Variants in DMD observed in about 807,000 individuals in gnomAD.
The protein encoded by DMD is mutant dystrophin.
A neutral mutation model predicts 330.1 loss-of-function variants in DMD; 63 were observed. The ratio of observed to expected loss-of-function variants is 0.19; its 90% CI spans 0.16 to 0.24. The LOEUF (loss-of-function observed/expected upper bound fraction) is 0.24, where lower values mean the gene tolerates loss of function less well. Among genes scored for constraint, DMD ranks in the 10% least tolerant of loss-of-function variants. The pLI is 1.00. For synonymous variants in DMD, 1,223 were observed against 959.8 expected (o/e 1.27, Z -5.07); for missense variants, 3,344 against 2,684.1 (o/e 1.25, Z -5.43).
chrX:31,279,509 G>A (rs1004239474), intron 62 of DMD, among the ~76,000 whole-genome samples: 1 of 111,414 alleles, frequency 9.0e-6, no homozygotes, highest in East Asian at 2.8e-4. Context: ...GACTTGCTTC[G>A]GCTAATGGAC....
At chrX:31,238,204 A>C (rs1456825558) in intron 63 of DMD, among the ~76,000 whole-genome samples, 1 of 111,332 alleles carries the variant, frequency 9.0e-6, no homozygotes, top group African/African-American at 3.3e-5. Context: ...AGTGGCAATG[A>C]CCACGGATTC....
intron 44 of DMD, among the ~76,000 whole-genome samples, chrX:32,008,822 G>A (rs1000328818): frequency 2.7e-5 from 3 of 111,060 alleles, no homozygotes; most frequent in African/African-American, 9.8e-5. Context: ...AGAGGCAGGA[G>A]AACTTCTGGC....
chrX:32,485,295 A>C (rs1335254382), intron 20 of DMD, among the ~76,000 whole-genome samples, 196 bp from the exon 21 acceptor site: 1 of 111,610 alleles, frequency 9.0e-6, no homozygotes, highest in African/African-American at 3.3e-5. Flanking sequence ...CTCTTTGTTC[A>C]ATATGTATCA....
rs957432753 is a variant in DMD at position 32,735,546 on chromosome X, T to C, written c.650-36253A>G. Among the ~76,000 whole-genome samples the C allele has an allele frequency of 7.2e-5, 8 of 111,416 alleles. 1 individual carries two copies. The highest frequency in any genetic ancestry group is 9.3e-3 in the Middle Eastern group (2 of 216). ...CAAGGCTGCAGTAACCAAAACAGCA[T>C]GGTACTGGTACCAAAACAGAGATAT... On this transcript the variant is annotated intron_variant, in intron 7 of 78. Coordinates refer to ENST00000357033, the MANE Select transcript of DMD (RefSeq NM_004006.3).
intron 1 of DMD, among the ~76,000 whole-genome samples, chrX:33,209,748 G>C (rs1026752642): frequency 6.3e-5 from 7 of 110,818 alleles, no homozygotes; most frequent in Non-Finnish European, 1.1e-4. Context: ...AAATCCTACA[G>C]GGCATGTCCC....
chrX:32,470,418 T>A (rs1485290730), intron 22 of DMD, among the ~76,000 whole-genome samples: 2 of 111,026 alleles, frequency 1.8e-5, no homozygotes, highest in African/African-American at 6.6e-5. Context: ...TGTATGTGGT[T>A]TTTATTTTGG....
At chrX:31,950,802 A>G (rs192218774) in intron 45 of DMD, among the ~76,000 whole-genome samples, 1 of 109,637 alleles carries the variant, frequency 9.1e-6, no homozygotes, top group Non-Finnish European at 1.9e-5. Flanking sequence ...TTGTCACTTC[A>G]TTTTTTATAT....
intron 1 of DMD, among the ~76,000 whole-genome samples, chrX:33,307,346 T>C (rs1177341573): frequency 3.6e-5 from 4 of 111,974 alleles, no homozygotes; most frequent in Non-Finnish European, 7.5e-5. Flanking sequence ...TAAAAATAAA[T>C]AAATAAATAA....
chrX:31,746,886 T>C (rs2087889693), intron 51 of DMD, among the ~76,000 whole-genome samples: 2 of 111,090 alleles, frequency 1.8e-5, no homozygotes, highest in African/African-American at 3.3e-5. Flanking sequence ...AATGGTGTAA[T>C]GGTTACCTTT....
intron 67 of DMD, among the ~76,000 whole-genome samples, chrX:31,198,128 G>T (rs893436102): frequency 9.1e-6 from 1 of 110,494 alleles, no homozygotes; most frequent in Non-Finnish European, 1.9e-5. Flanking sequence ...AAAAGGGATG[G>T]TTAATGGGTA....
chrX:31,379,669 C>T (rs1371671655), intron 60 of DMD, among the ~76,000 whole-genome samples: 1 of 112,104 alleles, frequency 8.9e-6, no homozygotes, highest in East Asian at 2.8e-4. Flanking sequence ...TTCCTTCCCT[C>T]CACTGTGAGA....
chrX:32,671,777 C>G (rs1216315290), intron 9 of DMD, among the ~76,000 whole-genome samples: 1 of 111,527 alleles, frequency 9.0e-6, no homozygotes, highest in African/African-American at 3.3e-5. Flanking sequence ...ACATTTAAGA[C>G]CAGTCATCTG....
At position 31,121,355 on chromosome X, in the gene DMD, AAAG is replaced by A. The variant is rs2032475225; in HGVS notation, c.*561_*563del. 8.4e-6 allele frequency: 1 copy of A among 119,349 alleles called. No homozygotes were observed. Among genetic ancestry groups the A allele is most frequent in the African/African-American group, 3.3e-5 (1 of 30,661 alleles). The allele number at this position is 119,349 out of a possible 1,213,427, so 9.8% of individuals were successfully genotyped here. Reference sequence around the variant, plus strand: ...GAAGTCTTATCTTTAATATGCAAAAAAAGAAAAAGCCATGAATTTCATATGGAT... The same window carrying A: ...GAAGTCTTATCTTTAATATGCAAAAAAAAAAGCCATGAATTTCATATGGAT... On this transcript the variant is annotated 3_prime_UTR_variant, in exon 79 of 79. Transcript: ENST00000357033.
intron 16 of DMD, among the ~76,000 whole-genome samples, chrX:32,550,519 A>G (rs907436086): frequency 2.4e-4 from 27 of 111,352 alleles, no homozygotes; most frequent in African/African-American, 8.1e-4. Context: ...TTATGGCACG[A>G]AACACCCATA....
intron 55 of DMD, among the ~76,000 whole-genome samples, chrX:31,536,536 T>A (rs1022462145): frequency 9.0e-6 from 1 of 111,721 alleles, no homozygotes; most frequent in Non-Finnish European, 1.9e-5. Context: ...CTCTGTTAAA[T>A]AGGATCCTAG....
intron 45 of DMD, among the ~76,000 whole-genome samples, chrX:31,932,825 T>C (rs934119613): frequency 6.2e-5 from 7 of 112,459 alleles, no homozygotes; most frequent in Middle Eastern, 4.6e-3. Flanking sequence ...TCTAACAACA[T>C]TATGTCATTA....
intron 52 of DMD, among the ~76,000 whole-genome samples, chrX:31,690,413 A>T (rs1440385596): frequency 1.8e-5 from 2 of 112,147 alleles, no homozygotes; most frequent in African/African-American, 6.5e-5. Context: ...TCAAAACCAC[A>T]ATGAGATACC....
chrX:31,794,026 T>C (rs750916587), intron 50 of DMD, among the ~76,000 whole-genome samples: 2 of 111,338 alleles, frequency 1.8e-5, no homozygotes, highest in Non-Finnish European at 3.8e-5. Flanking sequence ...TACATACAAG[T>C]TTTCCCGACA....
intron 9 of DMD, among the ~76,000 whole-genome samples, chrX:32,662,215 C>T (rs1273718411): frequency 7.2e-5 from 8 of 111,212 alleles, no homozygotes; most frequent in African/African-American, 2.6e-4. Context: ...TTATATTACA[C>T]TAAAAAGGTC....
Sources: gnomAD v4.1 joint callset for allele counts (sites outside exome capture counted in the v4.1 genomes callset) on GRCh38, gnomAD v4.1.1 for gene constraint, MANE v1.5 for transcripts, NCBI Gene and HGNC (gene_info 2026-07-23, HGNC 2026-07-21) for gene names.